CTCF: variants seen among roughly 807,000 people sequenced by gnomAD.
CTCF encodes CCCTC-binding factor, also known as transcriptional repressor CTCF.
Under a neutral mutation model 72.3 loss-of-function variants are expected in CTCF, and 7 were observed. The observed-to-expected ratio is 0.10, with a 90% CI of 0.06 to 0.18. CTCF has a LOEUF of 0.18. CTCF is among the 10% of genes least tolerant of loss of function. The pLI is 1.00. For synonymous variants in CTCF, 374 were observed against 315.8 expected (o/e 1.18, Z -1.95); for missense variants, 516 against 949.1 (o/e 0.54, Z 6.00).
chr16:67,583,114 A>C (rs1170326334), intron 2 of CTCF, among the ~76,000 whole-genome samples: 1 of 150,930 alleles, frequency 6.6e-6, no homozygotes, highest in Non-Finnish European at 1.5e-5. Context: ...CCTCCCAAGT[A>C]GCTGGGATTA....
chr16:67,600,930 T>C (rs1331951206), intron 2 of CTCF, among the ~76,000 whole-genome samples: 1 of 152,132 alleles, frequency 6.6e-6, no homozygotes, highest in Non-Finnish European at 1.5e-5. Context: ...TGATGAAACC[T>C]AGAAGGCATG....
intron 1 of CTCF, chr16:67,570,863 C>T (rs567792856): frequency 9.9e-5 from 15 of 151,588 alleles, no homozygotes; most frequent in Non-Finnish European, 1.8e-4. Flanking sequence ...CCCTGGCTTC[C>T]GAAAGCGTTA....
chr16:67,618,229 C>T (rs1017762576), intron 5 of CTCF, among the ~76,000 whole-genome samples: 1 of 152,138 alleles, frequency 6.6e-6, no homozygotes, highest in African/African-American at 2.4e-5. Context: ...TGGTGAAACA[C>T]CATCTGTACT....
chr16:67,577,618 AT>A (rs920683965), intron 2 of CTCF, among the ~76,000 whole-genome samples: 20 of 146,434 alleles, frequency 1.4e-4, no homozygotes, highest in Non-Finnish European at 2.3e-4. Context: ...TTTTTTTTGT[AT>A]TTTTTTTAGT....
chr16:67,602,668 C>T (rs987454442), intron 2 of CTCF, among the ~76,000 whole-genome samples: 1 of 151,594 alleles, frequency 6.6e-6, no homozygotes, highest in Non-Finnish European at 1.5e-5. Flanking sequence ...ATGGAGAAAC[C>T]CTGTCTCTCC....
At chr16:67,606,138 A>G (rs981374302) in intron 2 of CTCF, among the ~76,000 whole-genome samples, 1 of 152,184 alleles carries the variant, frequency 6.6e-6, no homozygotes, top group Non-Finnish European at 1.5e-5. Flanking sequence ...ATGGGGGGCA[A>G]CCAGCACATC....
intron 2 of CTCF, among the ~76,000 whole-genome samples, chr16:67,609,595 G>A (rs2052029756): frequency 6.6e-6 from 1 of 150,758 alleles, no homozygotes; most frequent in South Asian, 2.1e-4. Context: ...CTCAGCCTCA[G>A]TGCTCTTGAC....
At chr16:67,618,272 T>C (rs13380681) in intron 5 of CTCF, among the ~76,000 whole-genome samples, 6,661 of 152,182 alleles carry the variant, frequency 0.044, 484 homozygotes, top group African/African-American at 0.15. Flanking sequence ...CATGGCAGCA[T>C]GCGCCTGTAG....
intron 5 of CTCF, among the ~76,000 whole-genome samples, chr16:67,617,525 A>C (rs2052147901): frequency 1.3e-5 from 2 of 151,906 alleles, no homozygotes; most frequent in Non-Finnish European, 2.9e-5. Context: ...TAAATAAATA[A>C]ATAAATATTA....
chr16:67,577,094 G>A (rs2051507720), intron 2 of CTCF, among the ~76,000 whole-genome samples: 1 of 152,070 alleles, frequency 6.6e-6, no homozygotes, highest in Non-Finnish European at 1.5e-5. Context: ...ATGCAGTACA[G>A]TAGGAAGTAG....
At chr16:67,581,267 G>C (rs2051577638) in intron 2 of CTCF, among the ~76,000 whole-genome samples, 1 of 151,700 alleles carries the variant, frequency 6.6e-6, no homozygotes, top group Non-Finnish European at 1.5e-5. Flanking sequence ...ATCCTATTCT[G>C]CATCCTCCTT....
chr16:67,603,259 A>G (rs920259205), intron 2 of CTCF, among the ~76,000 whole-genome samples: 2 of 151,912 alleles, frequency 1.3e-5, no homozygotes, highest in East Asian at 1.9e-4. Context: ...GGCCGGGCGC[A>G]GTGGCTCACA....
intron 2 of CTCF, among the ~76,000 whole-genome samples, chr16:67,580,538 TTTTATTTA>T (rs1053385270): frequency 6.6e-6 from 1 of 151,384 alleles, no homozygotes; most frequent in Non-Finnish European, 1.5e-5. Flanking sequence ...TTTATTTTTA[TTTTATTTA>T]TTTATGTATT....
chr16:67,590,228 C>T (rs2051722528), intron 2 of CTCF, among the ~76,000 whole-genome samples: 1 of 151,860 alleles, frequency 6.6e-6, no homozygotes, highest in Non-Finnish European at 1.5e-5. Context: ...AACTCCTTCC[C>T]CTCCTCCCAT....
chr16:67,590,886 G>A (rs927611261), intron 2 of CTCF, among the ~76,000 whole-genome samples: 1 of 150,112 alleles, frequency 6.7e-6, no homozygotes, highest in Non-Finnish European at 1.5e-5. Flanking sequence ...GCTTGAACCC[G>A]GGAGGTGGAG....
chr16:67,608,469 A>G (rs2052008740), intron 2 of CTCF, among the ~76,000 whole-genome samples: 1 of 152,176 alleles, frequency 6.6e-6, no homozygotes, highest in African/African-American at 2.4e-5. Context: ...AAACACGGCC[A>G]TTGCAGTCTG....
chr16:67,624,617 CTG>C (rs2052258285), intron 7 of CTCF, among the ~76,000 whole-genome samples: 3 of 151,954 alleles, frequency 2.0e-5, no homozygotes, highest in Non-Finnish European at 4.4e-5. Flanking sequence ...TTACTGGAGA[CTG>C]TCTTGCTCTG....
chr16:67,616,751 G>A lies in CTCF; in HGVS notation c.959G>A (p.Arg320His), dbSNP rs2142839315. The A allele has an allele frequency of 1.2e-6, 2 of 1,613,938 alleles. No individual in the cohort carries two copies. The highest frequency in any genetic ancestry group is 1.7e-6 in the Non-Finnish European group (2 of 1,179,952). The change falls in exon 5 of 12, where the codon CGT (arginine) becomes CAT (histidine). Residue 320 changes from arginine to histidine, a missense_variant. Physicochemically the swap from Arg to His is conservative, Grantham distance 29. Around this residue, in one of 7 missense-constraint regions of CTCF, gnomAD observed 70 missense variants for 290.1 expected, o/e 0.24. Transcript: ENST00000264010. ...RNHLNTHTGTRPHKCPDCDMA... is the reference protein window; with the variant it reads ...RNHLNTHTGTHPHKCPDCDMA... ...TACTCCATCCTTTCTCTAGGTACTC[G>A]TCCTCACAAGTGCCCAGACTGCGAC... is the stretch of plus-strand genomic sequence containing the variant.
chr16:67,623,021 GC>G (rs1366001316), intron 7 of CTCF, among the ~76,000 whole-genome samples: 1 of 151,382 alleles, frequency 6.6e-6, no homozygotes, highest in Non-Finnish European at 1.5e-5. Context: ...GAGTGCAGTG[GC>G]CTGATCTCTG....
Sources: gnomAD v4.1 joint callset for allele counts (sites outside exome capture counted in the v4.1 genomes callset) on GRCh38, gnomAD v4.1.1 for gene constraint, gnomAD v4.1.1 regional missense constraint, MANE v1.5 for transcripts, NCBI Gene and HGNC (gene_info 2026-07-23, HGNC 2026-07-21) for gene names.